Variants in SLC28A1 observed in about 807,000 individuals in gnomAD.
SLC28A1 encodes sodium/nucleoside cotransporter 1.
Under a neutral mutation model 74.8 loss-of-function variants are expected in SLC28A1, and 64 were observed. That is an observed-to-expected ratio of 0.86 (90% CI 0.70 to 1.05). The LOEUF is 1.05. Among genes scored for constraint, SLC28A1 ranks in the 50% least tolerant of loss-of-function variants. The probability of loss-of-function intolerance (pLI) is 0.00; values close to 1 mark genes in which losing one functional copy is unlikely to be tolerated. For missense variants in SLC28A1, 828 were observed against 822.8 expected (o/e 1.01, Z -0.08); for synonymous variants, 359 against 335.0 (o/e 1.07, Z -0.78).
the SLC28A1 span, among the ~76,000 whole-genome samples, chr15:84,963,478 A>C: frequency 6.6e-6 from 1 of 152,198 alleles, no homozygotes; most frequent in Non-Finnish European, 1.5e-5. Context: ...CAGGGAAGGG[A>C]CTACAGTCAT....
chr15:84,927,786 G>A (rs962427528), intron 12 of SLC28A1, among the ~76,000 whole-genome samples: 2 of 152,116 alleles, frequency 1.3e-5, no homozygotes, highest in Non-Finnish European at 2.9e-5. Context: ...AACTTCTTCT[G>A]AGGCTACTTC....
Position 84,941,784 on chromosome 15 carries a change from A to C in SLC28A1, c.1582-1661A>C, listed in dbSNP as rs1972747536. Among the ~76,000 whole-genome samples the C allele has an allele frequency of 2.7e-5, 4 of 148,822 alleles. No homozygotes were observed. The South Asian group carries it at 8.7e-4, about 32-fold the overall frequency. The stretch of plus-strand genomic sequence containing the variant: ...CTACTTGGGAGGCTGAAGCATGAGA[A>C]TCGCTTGAACCCAGGAGGCAGAAGT... On this transcript the variant is annotated intron_variant, in intron 15 of 18. Coordinates refer to ENST00000394573, the MANE Select transcript of SLC28A1 (RefSeq NM_004213.5).
the SLC28A1 span, among the ~76,000 whole-genome samples, chr15:84,971,747 T>TCCC: frequency 6.6e-6 from 1 of 151,030 alleles, no homozygotes; most frequent in Non-Finnish European, 1.5e-5. Flanking sequence ...CCTCCCAGGC[T>TCCC]CAAGCGATCC....
intron 3 of SLC28A1, among the ~76,000 whole-genome samples, chr15:84,888,399 A>AC (rs1964858385): frequency 3.9e-5 from 5 of 127,262 alleles, no homozygotes; most frequent in South Asian, 3.1e-4. Context: ...AAGAATACCC[A>AC]CCCCCCACCC....
the SLC28A1 span, among the ~76,000 whole-genome samples, chr15:84,956,429 CT>C: frequency 2.6e-5 from 3 of 116,726 alleles, no homozygotes; most frequent in African/African-American, 1.1e-4. Flanking sequence ...TTCCTTCTTT[CT>C]CTTCCTTCCT....
At chr15:84,935,626 T>A in intron 15 of SLC28A1, 108 bp downstream of exon 15, 1 of 921,906 alleles carries the variant, frequency 1.1e-6, no homozygotes, top group South Asian at 1.5e-5. Context: ...TGAGACACAC[T>A]GAAGTGGTGC....
the SLC28A1 span, among the ~76,000 whole-genome samples, chr15:84,974,594 A>AT: frequency 1.5e-4 from 23 of 152,146 alleles, no homozygotes; most frequent in African/African-American, 5.6e-4. Context: ...GGGGAGAAGC[A>AT]TGTCTTGTGT....
intron 11 of SLC28A1, among the ~76,000 whole-genome samples, chr15:84,923,166 G>T (rs551804283): frequency 2.0e-4 from 31 of 152,296 alleles, no homozygotes; most frequent in African/African-American, 7.0e-4. Context: ...TGGAACTCCT[G>T]ACCTCAGCCA....
In SLC28A1 at chr15:84,944,881, C is replaced by T. The variant is rs2079143283; in HGVS notation, c.1874+14C>T. The T allele has an allele frequency of 6.4e-7, 1 of 1,561,524 alleles. No individual in the cohort carries two copies. The highest frequency in any genetic ancestry group is 1.1e-5 in the South Asian group (1 of 89,998). ...GGCCTTCCAGAGGTGAGGGCCTGGG[C>T]TGTGGGACCTGCAGGGCACCCACAG... On this transcript the variant is annotated intron_variant, in intron 18 of 18. Transcript: ENST00000394573.
At chr15:84,940,065 C>A (rs1027400940) in intron 15 of SLC28A1, among the ~76,000 whole-genome samples, 2 of 152,272 alleles carry the variant, frequency 1.3e-5, no homozygotes, top group Admixed American at 6.5e-5. Flanking sequence ...TGACCTCAAG[C>A]AATCCTTCTG....
intron 10 of SLC28A1, 64 bp downstream of exon 10, chr15:84,918,668 TCCCA>T: frequency 3.3e-6 from 4 of 1,221,176 alleles, no homozygotes; most frequent in Non-Finnish European, 4.8e-6. Flanking sequence ...GTTCACACTG[TCCCA>T]GAATGCCTTG....
intron 11 of SLC28A1, among the ~76,000 whole-genome samples, chr15:84,923,204 C>T (rs1342516862): frequency 1.3e-5 from 2 of 152,192 alleles, no homozygotes; most frequent in Non-Finnish European, 2.9e-5. Flanking sequence ...TCCCAAAGTG[C>T]TGGGATTGCA....
At chr15:84,900,474 A>G (rs1966561736) in intron 6 of SLC28A1, among the ~76,000 whole-genome samples, 2 of 151,830 alleles carry the variant, frequency 1.3e-5, no homozygotes, top group South Asian at 4.2e-4. Context: ...GAAGAGAAGG[A>G]AAATGCTACT....
chr15:84,892,269 G>A (rs1051688646), intron 5 of SLC28A1, among the ~76,000 whole-genome samples: 3 of 152,142 alleles, frequency 2.0e-5, no homozygotes, highest in African/African-American at 4.8e-5. Flanking sequence ...AGGTGCTCTG[G>A]AGGGGAGGGG....
At chr15:84,957,926 A>G in the SLC28A1 span, among the ~76,000 whole-genome samples, 4 of 152,236 alleles carry the variant, frequency 2.6e-5, no homozygotes, top group Non-Finnish European at 4.4e-5. Context: ...AGTTTAAAAT[A>G]TTAAGTCCTC....
downstream of SLC28A1, among the ~76,000 whole-genome samples, chr15:84,946,083 T>TGTGTGTGTATATATATA: frequency 2.8e-5 from 1 of 36,246 alleles, no homozygotes; most frequent in East Asian, 1.0e-3. Context: ...TGTGTGTATG[T>TGTGTGTGTATATATATA]TCATATATAT....
At chr15:84,904,312 C>T in intron 7 of SLC28A1, 74 bp downstream of exon 7, 1 of 1,602,286 alleles carries the variant, frequency 6.2e-7, no homozygotes, top group Non-Finnish European at 8.5e-7. Context: ...GATCTGGGAG[C>T]TGGGGTATAG....
At chr15:84,897,255 A>T (rs62020867) in intron 6 of SLC28A1, among the ~76,000 whole-genome samples, 35,158 of 149,266 alleles carry the variant, frequency 0.24, 4,508 homozygotes, top group Middle Eastern at 0.34. Context: ...GTGTGGTGGT[A>T]CGCGCCTGTA....
intron 8 of SLC28A1, among the ~76,000 whole-genome samples, chr15:84,906,933 A>G (rs1399027005): frequency 1.3e-5 from 2 of 152,252 alleles, no homozygotes; most frequent in Non-Finnish European, 2.9e-5. Context: ...TTTTAGAATT[A>G]GGCAACACCT....
Sources: gnomAD v4.1 joint callset for allele counts (sites outside exome capture counted in the v4.1 genomes callset) on GRCh38, gnomAD v4.1.1 for gene constraint, MANE v1.5 for transcripts, NCBI Gene and HGNC (gene_info 2026-07-23, HGNC 2026-07-21) for gene names.